The following TRAP1 variants were observed in gnomAD, a reference collection of about 807,000 sequenced individuals.
TRAP1 encodes the protein TNF receptor associated protein 1, also known as heat shock protein 75 kDa, mitochondrial.
TRAP1 carries 102 observed loss-of-function variants against 89.1 expected under a neutral mutation model. The ratio of observed to expected loss-of-function variants is 1.15; its 90% CI spans 0.98 to 1.35. The LOEUF (loss-of-function observed/expected upper bound fraction) is 1.35. Ranked by LOEUF, TRAP1 falls within the 40% of genes most tolerant of loss-of-function variation. The pLI is 0.00. For synonymous variants in TRAP1, 508 were observed against 388.0 expected, an observed-to-expected ratio of 1.31 and a Z score of -3.64; for missense variants, 1,256 against 945.3, an observed-to-expected ratio of 1.33 and a Z score of -4.31.
In TRAP1 at chr16:3,672,696, G is replaced by C. The variant is rs551348281; in HGVS notation, c.1165+4C>G. 5 of 1,606,070 alleles carry C rather than the reference G, an allele frequency of 3.1e-6. No homozygotes were observed. The highest frequency in any genetic ancestry group is 3.4e-6 in the Non-Finnish European group (4 of 1,176,962). ...GCACTGCTCACGGACTCTGAGCAGC[G>C]TACCTCGGATGAAGCGCAGCCACTT... is the stretch of plus-strand genomic sequence containing the variant. On this transcript the variant is annotated splice_donor_region_variant and intron_variant, in intron 10 of 17. Transcript: ENST00000246957.
intron 9 of TRAP1, among the ~76,000 whole-genome samples, chr16:3,673,666 G>A (rs990555872): frequency 2.0e-5 from 3 of 152,226 alleles, no homozygotes; most frequent in African/African-American, 7.2e-5. Flanking sequence ...ACACCTGGCT[G>A]GCTCTTTCCA....
At chr16:3,677,409 A>G (rs2051013034) in intron 6 of TRAP1, 89 bp downstream of exon 6, 3 of 1,534,850 alleles carry the variant, frequency 2.0e-6, no homozygotes, top group African/African-American at 2.7e-5. Flanking sequence ...ATGCCTGTGT[A>G]CGTTTTCTGA....
Position 3,672,973 on chromosome 16 carries a change from C to G in TRAP1, c.1045-153G>C, listed in dbSNP as rs534297454. ...TGAGTTGAAGCCCAGTGCAGGGGCC[C>G]CACGATGCCCCACACTGTGGCTCTG... is the stretch of plus-strand genomic sequence containing the variant. On this transcript the variant is annotated intron_variant, in intron 9 of 17. Coordinates refer to ENST00000246957, the MANE Select transcript of TRAP1 (RefSeq NM_016292.3). 1.6e-4 allele frequency among the ~76,000 whole-genome samples: 24 copies of G among 152,248 alleles called. No homozygotes were observed. In the South Asian group the frequency reaches 3.7e-3, roughly 24 times the overall value.
chr16:3,678,735 A>G (rs557881185), intron 5 of TRAP1, among the ~76,000 whole-genome samples: 1 of 152,318 alleles, frequency 6.6e-6, no homozygotes, highest in South Asian at 2.1e-4. Context: ...TACTGGGGTT[A>G]CAGGCGTGAG....
chr16:3,662,846 C>G, intron 15 of TRAP1, 36 bp downstream of exon 15: 1 of 1,604,060 alleles, frequency 6.2e-7, no homozygotes. Flanking sequence ...AGGGACACTG[C>G]GGCCAAGTGG....
At chr16:3,658,988 A>G in intron 16 of TRAP1, 123 bp from the exon 17 acceptor site, 1 of 928,944 alleles carries the variant, frequency 1.1e-6, no homozygotes, top group South Asian at 1.6e-5. Context: ...TTTTTTAAAT[A>G]AGGTATGTTA....
rs757823904 is a variant in TRAP1 at position 3,679,712 on chromosome 16, C to T, written c.543+7G>A. On this transcript the variant is annotated splice_region_variant and intron_variant, in intron 5 of 17. Transcript: ENST00000246957. ...AGGGGGAGGCTGTGTGGGGGCCCCA[C>T]GCTTACCTTTGACCCCGATCTGGCA... 17 of 1,614,020 alleles carry T rather than the reference C, an allele frequency of 1.1e-5. No individual in the cohort carries two copies. The highest frequency in any genetic ancestry group is 1.4e-5 in the Non-Finnish European group (16 of 1,179,958).
chr16:3,699,090 C>T (rs984498354), intron 1 of TRAP1, among the ~76,000 whole-genome samples: 1 of 152,074 alleles, frequency 6.6e-6, no homozygotes, highest in Admixed American at 6.6e-5. Flanking sequence ...ATGGGAAGCA[C>T]TGATAGTTTG....
At chr16:3,661,024 G>GTAAC (rs2043045520) in intron 16 of TRAP1, 1 of 152,062 alleles carries the variant, frequency 6.6e-6, no homozygotes, top group Non-Finnish European at 1.5e-5. Flanking sequence ...ACATGTTTAT[G>GTAAC]TAACTTCATT....
chr16:3,658,726 C>A, intron 17 of TRAP1, 67 bp downstream of exon 17: 1 of 1,475,996 alleles, frequency 6.8e-7, no homozygotes, highest in Non-Finnish European at 9.4e-7. Flanking sequence ...CGCTGTTCCA[C>A]CCTGAAGGCA....
chr16:3,677,214 G>A (rs962996594), intron 6 of TRAP1, among the ~76,000 whole-genome samples: 3 of 152,130 alleles, frequency 2.0e-5, no homozygotes, highest in East Asian at 1.9e-4. Flanking sequence ...TCCACCAGGC[G>A]ACAGGCCAGT....
rs1262162027 is a variant in TRAP1, at chr16:3,676,137, A to G, written c.713T>C (p.Val238Ala). Residue 238 changes from valine (V) to alanine (A), a missense_variant, in exon 7 of 18, where the codon GTG becomes GCG. Physicochemically the swap from Val to Ala is moderately conservative, Grantham distance 64. Transcript: ENST00000246957. Reference sequence around the variant, plus strand: ...TCCCGAAGCTTCGGCGATTTCAAACACTCCAGAACTAAGGCAGGCAAAGAA... The same window carrying G: ...TCCCGAAGCTTCGGCGATTTCAAACGCTCCAGAACTAAGGCAGGCAAAGAA... ...GYQWLSDGSG[V>A]FEIAEASGVR... 8 of 1,613,096 alleles carry G rather than the reference A, an allele frequency of 5.0e-6. No individual in the cohort carries two copies. In the Admixed American group the frequency reaches 5.0e-5, roughly 10 times the overall value.
intron 1 of TRAP1, among the ~76,000 whole-genome samples, chr16:3,697,221 CTCT>C (rs1174817791): frequency 2.0e-5 from 3 of 152,154 alleles, no homozygotes; most frequent in African/African-American, 7.2e-5. Context: ...ACTTACATTT[CTCT>C]TATTATAAGC....
intron 1 of TRAP1, among the ~76,000 whole-genome samples, chr16:3,714,717 C>T (rs1340121111): frequency 6.6e-6 from 1 of 152,046 alleles, no homozygotes; most frequent in South Asian, 2.1e-4. Context: ...TGTCAGGGGT[C>T]AGTGAGGTCT....
At chr16:3,684,020 G>C (rs2051106671) in intron 4 of TRAP1, among the ~76,000 whole-genome samples, 1 of 151,950 alleles carries the variant, frequency 6.6e-6, no homozygotes, top group Admixed American at 6.6e-5. Flanking sequence ...ACAAAAATTA[G>C]CCGGGTGTGG....
intron 13 of TRAP1, 90 bp downstream of exon 13, chr16:3,664,184 T>A: frequency 7.4e-7 from 1 of 1,360,320 alleles, no homozygotes; most frequent in East Asian, 2.6e-5. Flanking sequence ...CCCGGAGTCT[T>A]GGGCAGGTTC....
In TRAP1 at chr16:3,664,561, C is replaced by G. The variant is rs1035600569; in HGVS notation, c.1384-102G>C. The G allele has an allele frequency of 9.9e-6, 13 of 1,308,270 alleles. No homozygotes were observed. In the Admixed American group the frequency reaches 1.3e-4, roughly 13 times the overall value. 81.0% of individuals were successfully genotyped at this position (1,308,270 alleles called of 1,614,324 possible). ...CTCCGATGCCCATGGCCTCCTGGCA[C>G]TCCAGGCTGGCCCTGACCCGAGGGA... is the stretch of plus-strand genomic sequence containing the variant. On this transcript the variant is annotated intron_variant, in intron 12 of 17. Coordinates refer to ENST00000246957, the MANE Select transcript of TRAP1 (RefSeq NM_016292.3).
intron 3 of TRAP1, among the ~76,000 whole-genome samples, chr16:3,688,509 G>T (rs372226225): frequency 1.4e-4 from 21 of 152,084 alleles, no homozygotes; most frequent in African/African-American, 4.6e-4. Context: ...TGGAGAGAGG[G>T]TCTTACTCTG....
intron 9 of TRAP1, among the ~76,000 whole-genome samples, 185 bp from the exon 10 acceptor site, chr16:3,673,005 C>G (rs2050936170): frequency 6.6e-6 from 1 of 152,140 alleles, no homozygotes; most frequent in Non-Finnish European, 1.5e-5. Flanking sequence ...TCTGCAGGGG[C>G]TGAAGGCCTT....
Sources: gnomAD v4.1 joint callset for allele counts (sites outside exome capture counted in the v4.1 genomes callset) on GRCh38, gnomAD v4.1.1 for gene constraint, MANE v1.5 for transcripts, NCBI Gene and HGNC (gene_info 2026-07-23, HGNC 2026-07-21) for gene names.